Variants in MACROD2 observed in about 807,000 individuals in gnomAD.
MACROD2 encodes ADP-ribose glycohydrolase MACROD2.
In MACROD2, 36 loss-of-function variants were observed where a neutral mutation model predicts 70.4. The observed-to-expected ratio is 0.51, with a 90% CI of 0.39 to 0.68. The LOEUF is 0.68. MACROD2 is among the 30% of genes least tolerant of loss of function. The pLI is 0.00. For synonymous variants in MACROD2, 172 were observed against 178.8 expected (o/e 0.96, Z 0.30); for missense variants, 496 against 538.4 (o/e 0.92, Z 0.78).
intron 2 of MACROD2, among the ~76,000 whole-genome samples, chr20:14,034,318 G>A (rs1378711811): frequency 6.6e-6 from 1 of 152,100 alleles, no homozygotes; most frequent in African/African-American, 2.4e-5. Context: ...GTCATTGTAT[G>A]GAAGTACTGT....
intron 16 of MACROD2, 106 bp from the exon 17 acceptor site, chr20:16,044,465 G>A: frequency 3.4e-6 from 3 of 882,100 alleles, no homozygotes; most frequent in South Asian, 3.3e-5. Flanking sequence ...TGGAAAAGAG[G>A]CATCAAATAG....
intron 5 of MACROD2, among the ~76,000 whole-genome samples, chr20:14,749,940 G>A (rs2123734089): frequency 6.6e-6 from 1 of 152,190 alleles, no homozygotes; most frequent in East Asian, 1.9e-4. Flanking sequence ...AAGAAGAGTT[G>A]TTTAATGTGT....
chr20:14,524,380 C>T lies in MACROD2; in HGVS notation c.301+30872C>T, dbSNP rs190597317. Among the ~76,000 whole-genome samples, 424 of 152,272 alleles carry T rather than the reference C, an allele frequency of 2.8e-3. 1 individual carries two copies. The highest frequency in any genetic ancestry group is 4.5e-3 in the Non-Finnish European group (308 of 68,020). ...CCTTCACATTGTTCATGTTCTTAAC[C>T]ACTTTCTCTATCTTTACTAGAGTTG... On this transcript the variant is annotated intron_variant, in intron 4 of 17. Transcript: ENST00000684519.
At chr20:15,765,378 A>G (rs2051505617) in intron 8 of MACROD2, among the ~76,000 whole-genome samples, 1 of 152,146 alleles carries the variant, frequency 6.6e-6, no homozygotes, top group Non-Finnish European at 1.5e-5. Context: ...ATAAACAACA[A>G]ACATGTGAAC....
At chr20:14,820,408 G>T (rs1949146435) in intron 5 of MACROD2, among the ~76,000 whole-genome samples, 2 of 128,754 alleles carry the variant, frequency 1.6e-5, no homozygotes, top group Non-Finnish European at 3.3e-5. Flanking sequence ...TAATTAAAAA[G>T]GAATTTTCTT....
At chr20:15,510,412 T>C (rs1449371554) in intron 8 of MACROD2, among the ~76,000 whole-genome samples, 2 of 152,076 alleles carry the variant, frequency 1.3e-5, no homozygotes, top group Non-Finnish European at 2.9e-5. Context: ...GCTGCCCTGA[T>C]TGAAGGGAAA....
intron 8 of MACROD2, among the ~76,000 whole-genome samples, chr20:15,650,830 C>G (rs149375487): frequency 6.6e-6 from 1 of 152,118 alleles, no homozygotes; most frequent in South Asian, 2.1e-4. Context: ...GAACCCCTTG[C>G]GCTTGCCATT....
chr20:14,199,166 T>C (rs1247647669), intron 3 of MACROD2, among the ~76,000 whole-genome samples: 1 of 152,204 alleles, frequency 6.6e-6, no homozygotes, highest in Non-Finnish European at 1.5e-5. Context: ...TACAGCTTTT[T>C]GCCTACATAA....
At chr20:14,664,235 A>G (rs1478282876) in intron 4 of MACROD2, among the ~76,000 whole-genome samples, 1 of 152,130 alleles carries the variant, frequency 6.6e-6, no homozygotes, top group Non-Finnish European at 1.5e-5. Context: ...GAAGAGCACA[A>G]AAAGATACAA....
intron 5 of MACROD2, among the ~76,000 whole-genome samples, chr20:15,045,228 C>T (rs1039863277): frequency 1.3e-5 from 2 of 152,184 alleles, no homozygotes; most frequent in African/African-American, 4.8e-5. Context: ...AGACCCTAAT[C>T]AGAAAACACA....
At chr20:15,936,063 G>T (rs1158207450) in intron 11 of MACROD2, among the ~76,000 whole-genome samples, 2 of 151,994 alleles carry the variant, frequency 1.3e-5, no homozygotes, top group Admixed American at 1.3e-4. Context: ...TTTGTGATTT[G>T]CTTCCAAATA....
At chr20:15,937,417 C>T (rs561109050) in intron 11 of MACROD2, 59 bp from the exon 12 acceptor site, 1,066 of 1,539,514 alleles carry the variant, frequency 6.9e-4, no homozygotes, top group Non-Finnish European at 9.2e-4. Flanking sequence ...GGCAGGAAAG[C>T]CACAGCTGGA....
intron 3 of MACROD2, among the ~76,000 whole-genome samples, chr20:14,235,349 A>G (rs1388979293): frequency 1.3e-5 from 2 of 152,182 alleles, no homozygotes; most frequent in Admixed American, 6.5e-5. Context: ...ACATGCATAC[A>G]TACACACACA....
rs2045519530 is a variant in MACROD2, at chr20:15,373,385, G to C, written c.541-58020G>C. ...GATTTTCTCTTCTAGGTGAATTATAGAATTATTTTCCTTTTTTGTTTTTTC... is the reference window on the plus strand; with the variant it reads ...GATTTTCTCTTCTAGGTGAATTATACAATTATTTTCCTTTTTTGTTTTTTC... On this transcript the variant is annotated intron_variant, in intron 6 of 17. Transcript: ENST00000684519. 2.0e-5 allele frequency among the ~76,000 whole-genome samples: 3 copies of C among 151,938 alleles called. No homozygotes were observed. In the South Asian group the frequency reaches 6.2e-4, roughly 32 times the overall value.
At chr20:14,828,210 G>T (rs2072923875) in intron 5 of MACROD2, among the ~76,000 whole-genome samples, 1 of 152,040 alleles carries the variant, frequency 6.6e-6, no homozygotes, top group Non-Finnish European at 1.5e-5. Context: ...TGCATTCTAA[G>T]TATATAGCAG....
intron 5 of MACROD2, among the ~76,000 whole-genome samples, chr20:14,975,853 G>A (rs1054670071): frequency 3.0e-4 from 46 of 152,144 alleles, no homozygotes; most frequent in African/African-American, 9.9e-4. Context: ...AGAAGGATGC[G>A]TGCAAACCCT....
At chr20:15,038,647 C>T (rs2075332348) in intron 5 of MACROD2, among the ~76,000 whole-genome samples, 1 of 152,150 alleles carries the variant, frequency 6.6e-6, no homozygotes, top group African/African-American at 2.4e-5. Flanking sequence ...AGTAGTTCCA[C>T]ACCTTCCGCT....
intron 3 of MACROD2, among the ~76,000 whole-genome samples, chr20:14,223,721 T>A (rs1319954961): frequency 3.9e-5 from 6 of 152,112 alleles, no homozygotes; most frequent in Non-Finnish European, 8.8e-5. Context: ...TTGGCCAGGC[T>A]GGTCTCGACC....
intron 2 of MACROD2, among the ~76,000 whole-genome samples, chr20:14,080,105 T>C (rs1421695237): frequency 6.6e-6 from 1 of 152,056 alleles, no homozygotes; most frequent in African/African-American, 2.4e-5. Context: ...AGGAAAAATA[T>C]GGTAGTGCTT....
Sources: allele counts gnomAD v4.1 joint callset (sites outside exome capture counted in the v4.1 genomes callset), GRCh38; gene constraint gnomAD v4.1.1; transcripts MANE v1.5; gene names NCBI Gene and HGNC (gene_info 2026-07-23, HGNC 2026-07-21).